Variants in FN1 observed in about 807,000 individuals in gnomAD.
The protein encoded by FN1 is fibronectin.
In FN1, 106 loss-of-function variants were observed where a neutral mutation model predicts 297.3. The observed-to-expected ratio is 0.36, with a 90% confidence interval of 0.30 to 0.42. The LOEUF (loss-of-function observed/expected upper bound fraction) is 0.42, where lower values mean the gene tolerates loss of function less well. Among genes scored for constraint, FN1 ranks in the 10% least tolerant of loss-of-function variants. The probability of loss-of-function intolerance (pLI) is 1.00; values close to 1 mark genes in which losing one functional copy is unlikely to be tolerated. For synonymous variants in FN1, 1,149 were observed against 1,152.6 expected (o/e 1.00, Z 0.06); for missense variants, 2,690 against 3,124.9 (o/e 0.86, Z 3.32).
Position 215,372,346 on chromosome 2 carries a change from G to C in FN1, c.6277C>G (p.His2093Asp). 6.2e-7 allele frequency: 1 copy of C among 1,614,216 alleles called. No homozygotes were observed. The highest frequency in any genetic ancestry group is 8.5e-7 in the Non-Finnish European group (1 of 1,180,032). ...DELPQLVTLP[H>D]PNLHGPEILD... ...ATCTCTGGTCCATGAAGATTGGGGT[G>C]TGGAAGGGTTACCAGTTGGGGAAGC... Residue 2093 changes from histidine (H) to aspartate (D), a missense_variant, in exon 40 of 46, where the codon CAC (histidine) becomes GAC (aspartate). Physicochemically the swap from His to Asp is moderately conservative, Grantham distance 81 (BLOSUM62 -1). Coordinates refer to ENST00000354785, the MANE Select transcript of FN1 (RefSeq NM_212482.4).
rs1215664080 is a variant in FN1 at position 215,379,253 on chromosome 2, CCA to C, written c.5497_5498del (p.Trp1833AspfsTer31). 1 of 1,614,050 alleles carries C rather than the reference CCA, an allele frequency of 6.2e-7. No homozygotes were observed. Among genetic ancestry groups the C allele is most frequent in the South Asian group, 1.1e-5 (1 of 91,080 alleles). ...QVTPTSLSAQWTPPNVQLTGY... is the reference protein window; with the variant it reads ...QVTPTSLSAQXTPPNVQLTGY... ...CAGTGAGCTGAACATTGGGTGGTGTCCACTGGGCGCTCAGGCTTGTGGGTGTG... is the reference window on the plus strand; with the variant it reads ...CAGTGAGCTGAACATTGGGTGGTGTCCTGGGCGCTCAGGCTTGTGGGTGTG... On this transcript the variant is annotated frameshift_variant, in exon 34 of 46. Transcript: ENST00000354785. LOFTEE classifies it high-confidence loss of function.
chr2:215,375,568 GAGTT>G, intron 37 of FN1, 57 bp downstream of exon 37: 1 of 1,340,860 alleles, frequency 7.5e-7, no homozygotes, highest in Non-Finnish European at 1.1e-6. Context: ...TTTGTTTTTT[GAGTT>G]CATGAAACTG....
chr2:215,410,183 TG>T, intron 13 of FN1, 69 bp from the exon 14 acceptor site: 1 of 1,464,628 alleles, frequency 6.8e-7, no homozygotes, highest in Non-Finnish European at 9.4e-7. Context: ...TTGAAGATGA[TG>T]TTCAGTAATC....
intron 41 of FN1, 86 bp from the exon 42 acceptor site, chr2:215,368,113 A>G (rs1473865904): frequency 1.0e-5 from 14 of 1,362,052 alleles, no homozygotes; most frequent in South Asian, 2.4e-5. Flanking sequence ...ACTGTATACA[A>G]TGACTTAATC....
At chr2:215,383,298 G>C (rs766139586) in intron 31 of FN1, 30 bp downstream of exon 31, 38 of 1,612,276 alleles carry the variant, frequency 2.4e-5, no homozygotes, top group Non-Finnish European at 3.1e-5. Context: ...GTGAGCCACC[G>C]CACCTGGCCG....
intron 38 of FN1, among the ~76,000 whole-genome samples, chr2:215,373,920 G>A (rs928561937): frequency 6.6e-6 from 1 of 152,008 alleles, no homozygotes; most frequent in African/African-American, 2.4e-5. Context: ...CTGACCTTGT[G>A]ATCTGCCTGC....
chr2:215,433,625 A>T (rs1320256417), intron 2 of FN1, among the ~76,000 whole-genome samples, 164 bp from the exon 3 acceptor site: 1 of 152,260 alleles, frequency 6.6e-6, no homozygotes, highest in Non-Finnish European at 1.5e-5. Flanking sequence ...CTAAGCTCTA[A>T]TAAGGCCATG....
intron 34 of FN1, among the ~76,000 whole-genome samples, chr2:215,378,825 T>G (rs958525877): frequency 6.6e-6 from 1 of 152,102 alleles, no homozygotes; most frequent in African/African-American, 2.4e-5. Flanking sequence ...AATGCATAAC[T>G]AAGTCGATTT....
chr2:215,373,435 C>T (rs1455486673), intron 38 of FN1, 24 bp from the exon 39 acceptor site: 1 of 1,590,066 alleles, frequency 6.3e-7, no homozygotes, highest in South Asian at 1.1e-5. Flanking sequence ...AGAACCATCA[C>T]ATTATGTCAA....
intron 26 of FN1, among the ~76,000 whole-genome samples, chr2:215,390,062 C>A (rs1182032129): frequency 6.6e-6 from 1 of 152,238 alleles, no homozygotes; most frequent in Non-Finnish European, 1.5e-5. Flanking sequence ...TATAAAGCCC[C>A]CTACAAAAGT....
At chr2:215,364,808 C>A in intron 44 of FN1, 71 bp downstream of exon 44, 1 of 1,012,024 alleles carries the variant, frequency 9.9e-7, no homozygotes. Context: ...CCTGTGTGTA[C>A]GACACATCCT....
intron 20 of FN1, 42 bp from the exon 21 acceptor site, chr2:215,399,393 A>C: frequency 6.1e-6 from 8 of 1,317,068 alleles, no homozygotes; most frequent in Non-Finnish European, 7.7e-6. Flanking sequence ...ACTCAAACTC[A>C]CAGATGATTG....
At chr2:215,389,971 CAG>C (rs1195511395) in intron 26 of FN1, among the ~76,000 whole-genome samples, 1 of 152,122 alleles carries the variant, frequency 6.6e-6, no homozygotes, top group East Asian at 1.9e-4. Flanking sequence ...CTAAAAGATA[CAG>C]AGAGTGAGGT....
Position 215,371,015 on chromosome 2 carries a change from G to A in FN1, c.6715-583C>T, listed in dbSNP as rs112273511. ...GTGTAGTGGGTGGCTCATGCTTGTA[G>A]TCCCAGCACTTTGGGAGGCCAAGGC... On this transcript the variant is annotated intron_variant, in intron 40 of 45. Transcript: ENST00000354785. Among the ~76,000 whole-genome samples the A allele has an allele frequency of 8.8e-3, 1,347 of 152,216 alleles. 10 individuals are homozygous for A. The highest frequency in any genetic ancestry group is 0.014 in the Non-Finnish European group (936 of 68,000).
At chr2:215,427,504 G>A (rs2065674868) in intron 6 of FN1, among the ~76,000 whole-genome samples, 1 of 152,108 alleles carries the variant, frequency 6.6e-6, no homozygotes, top group Admixed American at 6.5e-5. Flanking sequence ...TGCCAAAAAT[G>A]ATTAAAACTT....
chr2:215,428,942 G>C (rs1019885278), intron 5 of FN1, among the ~76,000 whole-genome samples: 43 of 152,068 alleles, frequency 2.8e-4, no homozygotes, highest in African/African-American at 9.9e-4. Context: ...TTGAACCCGG[G>C]AGGTGGAGGT....
rs2054210666 is a variant in FN1 at position 215,364,816 on chromosome 2, C to T, written c.7251+63G>A. ...TGCCCCTCCTGTGTGTACGACACATCCTTGCAGGAGCCCACCCTTTATCTT... is the reference window on the plus strand; with the variant it reads ...TGCCCCTCCTGTGTGTACGACACATTCTTGCAGGAGCCCACCCTTTATCTT... On this transcript the variant is annotated intron_variant, in intron 44 of 45. Transcript: ENST00000354785. 17 of 1,108,408 alleles carry T rather than the reference C, an allele frequency of 1.5e-5. No homozygotes were observed. The South Asian group carries it at 1.6e-4, about 10-fold the overall frequency. The allele number at this position is 1,108,408 out of a possible 1,614,324, so 68.7% of individuals were successfully genotyped here. A position where few individuals can be genotyped will look rare whatever the true frequency, so the allele number is the denominator to read the frequency against.
chr2:215,361,465 A>C lies in FN1; in HGVS notation c.*90T>G, dbSNP rs1378894312. 2.1e-6 allele frequency: 2 copies of C among 938,572 alleles called. No individual in the cohort carries two copies. Among genetic ancestry groups the C allele is most frequent in the Non-Finnish European group, 3.6e-6 (2 of 563,228 alleles). The allele number at this position is 938,572 out of a possible 1,614,324, so 58.1% of individuals were successfully genotyped here. A position where few individuals can be genotyped will look rare whatever the true frequency, so the allele number is the denominator to read the frequency against. Reference sequence around the variant, plus strand: ...GAGCAAAGGGCTTAAGAAAGAAAGAAGAACTCTAAGCTGGGTCTGCTAACA... The same window carrying C: ...GAGCAAAGGGCTTAAGAAAGAAAGACGAACTCTAAGCTGGGTCTGCTAACA... On this transcript the variant is annotated 3_prime_UTR_variant, in exon 46 of 46. Coordinates refer to ENST00000354785, the MANE Select transcript of FN1 (RefSeq NM_212482.4).
In FN1 at chr2:215,384,208, G is replaced by C. The variant is rs2058603022; in HGVS notation, c.4730-24C>G. 4 of 1,613,292 alleles carry C rather than the reference G, an allele frequency of 2.5e-6. No homozygotes were observed. The South Asian group carries it at 4.4e-5, about 18-fold the overall frequency. On this transcript the variant is annotated intron_variant, in intron 29 of 45. Transcript: ENST00000354785. ...TCCTGTATGAAAAAGGGTTAGTTCA[G>C]AGTGTGAGGGGTTTAGAGCTACTTG...
Sources: gnomAD v4.1 joint callset for allele counts (sites outside exome capture counted in the v4.1 genomes callset) on GRCh38, gnomAD v4.1.1 for gene constraint, MANE v1.5 for transcripts, NCBI Gene and HGNC (gene_info 2026-07-23, HGNC 2026-07-21) for gene names.